The following CD200R1 variants were observed in gnomAD, a reference collection of about 807,000 sequenced individuals.
The protein encoded by CD200R1 is cell surface glycoprotein CD200 receptor 1.
A neutral mutation model predicts 38.1 loss-of-function variants in CD200R1; 30 were observed. The observed-to-expected ratio is 0.79, with a 90% CI of 0.59 to 1.07. The LOEUF is 1.07. Among genes scored for constraint, CD200R1 ranks in the 50% least tolerant of loss-of-function variants. The pLI, the probability that CD200R1 is intolerant of heterozygous loss-of-function variation, is 0.00. For missense variants in CD200R1, 372 were observed against 415.4 expected (o/e 0.90, Z 0.91); for synonymous variants, 128 against 152.1 (o/e 0.84, Z 1.16).
chr3:112,922,345 A>C lies in CD200R1; in HGVS notation c.*1332T>G, dbSNP rs556536151. The stretch of plus-strand genomic sequence containing the variant: ...TAATTAAAAATAATTTCATGATATT[A>C]ACAATGATTTACATAAACATTGCCA... On this transcript the variant is annotated 3_prime_UTR_variant, in exon 8 of 8. Coordinates refer to ENST00000308611, the MANE Select transcript of CD200R1 (RefSeq NM_138806.4). 24 of 152,142 alleles carry C rather than the reference A, an allele frequency of 1.6e-4. No homozygotes were observed. The South Asian group carries it at 4.4e-3, about 28-fold the overall frequency. The allele number at this position is 152,142 out of a possible 1,614,324, so 9.4% of individuals were successfully genotyped here.
At chr3:112,951,421 G>A (rs996128655) in intron 1 of CD200R1, among the ~76,000 whole-genome samples, 1 of 151,704 alleles carries the variant, frequency 6.6e-6, no homozygotes, top group Non-Finnish European at 1.5e-5. Context: ...TAAGAAAGAA[G>A]TAATATTAAT....
At chr3:112,935,994 C>T (rs995886511) in intron 2 of CD200R1, among the ~76,000 whole-genome samples, 5 of 152,120 alleles carry the variant, frequency 3.3e-5, no homozygotes, top group African/African-American at 1.2e-4. Flanking sequence ...TTCCACCCTC[C>T]ATATGTCCAT....
intron 2 of CD200R1, among the ~76,000 whole-genome samples, chr3:112,943,108 A>G (rs1034421983): frequency 2.0e-5 from 3 of 151,744 alleles, no homozygotes; most frequent in Non-Finnish European, 4.4e-5. Flanking sequence ...AGCTGAATTC[A>G]ACAATACCAT....
intron 2 of CD200R1, among the ~76,000 whole-genome samples, chr3:112,938,735 T>C (rs925252628): frequency 8.5e-5 from 13 of 152,048 alleles, no homozygotes; most frequent in African/African-American, 3.1e-4. Context: ...TTCCAAAAAA[T>C]TGAATGTAAA....
At position 112,974,798 on chromosome 3, in the gene CD200R1, TAAG is replaced by T. The variant is rs564728039; in HGVS notation, c.57_59del (p.Phe19del). The T allele has an allele frequency of 6.3e-3, 10,187 of 1,608,910 alleles. 75 individuals are homozygous for T. Among genetic ancestry groups the T allele is most frequent in the South Asian group, 0.017 (1,536 of 90,950 alleles). ...AAGAGAATTCAAACTTACCGGCCAC[TAAG>T]AAGATAGTCAAAATCAACAGTAGCC... On this transcript the variant is annotated inframe_deletion, in exon 1 of 8. Transcript: ENST00000308611.
At chr3:112,948,043 T>A in intron 1 of CD200R1, 119 bp from the exon 2 acceptor site, 1 of 703,592 alleles carries the variant, frequency 1.4e-6, no homozygotes, top group South Asian at 1.6e-5. Flanking sequence ...CAGTTGCCAA[T>A]GAATATCTAA....
chr3:112,955,582 C>T (rs1941078559), intron 1 of CD200R1, among the ~76,000 whole-genome samples: 1 of 150,148 alleles, frequency 6.7e-6, no homozygotes, highest in African/African-American at 2.5e-5. Flanking sequence ...GATCTCGGCT[C>T]ACTGCAACCT....
chr3:112,935,918 T>C (rs762200617), intron 2 of CD200R1, among the ~76,000 whole-genome samples: 9 of 152,150 alleles, frequency 5.9e-5, no homozygotes, highest in African/African-American at 9.7e-5. Context: ...CCAGCATCCA[T>C]CAGCTATTCT....
chr3:112,954,202 T>A (rs1271755342), intron 1 of CD200R1, among the ~76,000 whole-genome samples: 2 of 152,150 alleles, frequency 1.3e-5, no homozygotes, highest in Non-Finnish European at 1.5e-5. Flanking sequence ...TTCAGGAGTA[T>A]GTTGTTTAAT....
At chr3:112,935,455 A>G (rs527586846) in intron 2 of CD200R1, among the ~76,000 whole-genome samples, 1 of 152,244 alleles carries the variant, frequency 6.6e-6, no homozygotes, top group Non-Finnish European at 1.5e-5. Context: ...ATACAAATAC[A>G]TGAAAGTTAA....
chr3:112,963,245 G>A (rs779191399), intron 1 of CD200R1, among the ~76,000 whole-genome samples: 1 of 152,222 alleles, frequency 6.6e-6, no homozygotes, highest in African/African-American at 2.4e-5. Context: ...GGTACCAGAA[G>A]AGTGGGGCAC....
intron 1 of CD200R1, among the ~76,000 whole-genome samples, chr3:112,956,955 C>T (rs1941112253): frequency 1.3e-5 from 2 of 152,160 alleles, no homozygotes; most frequent in African/African-American, 2.4e-5. Context: ...GTTCCCACCT[C>T]GTGCTGGGGT....
intron 1 of CD200R1, among the ~76,000 whole-genome samples, chr3:112,948,162 C>A (rs2107324551): frequency 6.6e-6 from 1 of 152,236 alleles, no homozygotes; most frequent in Admixed American, 6.5e-5. Context: ...GTGCCCATCA[C>A]CCCCCTCTTG....
chr3:112,929,534 G>T, intron 3 of CD200R1, 27 bp from the exon 4 acceptor site: 1 of 1,563,576 alleles, frequency 6.4e-7, no homozygotes, highest in Non-Finnish European at 8.6e-7. Context: ...AATGATAAAA[G>T]AAAAGCTTGA....
intron 2 of CD200R1, among the ~76,000 whole-genome samples, chr3:112,943,759 A>T (rs1382388389): frequency 6.6e-6 from 1 of 151,744 alleles, no homozygotes; most frequent in African/African-American, 2.4e-5. Flanking sequence ...CTAATATCTG[A>T]TATGAAAGAG....
chr3:112,947,731 CTT>C, intron 2 of CD200R1, 123 bp downstream of exon 2: 2 of 588,348 alleles, frequency 3.4e-6, no homozygotes, highest in East Asian at 2.8e-5. Flanking sequence ...TATTAACACT[CTT>C]AAATATAATA....
chr3:112,926,984 G>A (rs1940294377), intron 5 of CD200R1, among the ~76,000 whole-genome samples: 1 of 152,096 alleles, frequency 6.6e-6, no homozygotes, highest in South Asian at 2.1e-4. Context: ...ATGTGGAGGG[G>A]TGAAGTGTGG....
In CD200R1 at chr3:112,953,825, GTC is replaced by G. The variant is rs575728478; in HGVS notation, c.68-5903_68-5902del. 2.4e-4 allele frequency among the ~76,000 whole-genome samples: 37 copies of G among 152,088 alleles called. 1 individual carries two copies. Among genetic ancestry groups the G allele is most frequent in the Non-Finnish European group, 5.3e-4 (36 of 67,980 alleles). On this transcript the variant is annotated intron_variant, in intron 1 of 7. Transcript: ENST00000308611. ...TTTCATTCTCATTTTATGGATGTGA[GTC>G]TCTCTCTTTTTTTCTCAATTTATCA...
intron 1 of CD200R1, among the ~76,000 whole-genome samples, chr3:112,968,537 T>G (rs1246041016): frequency 6.6e-6 from 1 of 152,050 alleles, no homozygotes; most frequent in Non-Finnish European, 1.5e-5. Context: ...GAGTTGTGGG[T>G]GTAGGTTCCC....
Sources: allele counts gnomAD v4.1 joint callset (sites outside exome capture counted in the v4.1 genomes callset), GRCh38; gene constraint gnomAD v4.1.1; transcripts MANE v1.5; gene names NCBI Gene and HGNC (gene_info 2026-07-23, HGNC 2026-07-21).